The following ADCY2 variants were observed in gnomAD, a reference collection of about 807,000 sequenced individuals.
The protein encoded by ADCY2 is adenylate cyclase type 2.
Under a neutral mutation model 125.2 loss-of-function variants are expected in ADCY2, and 31 were observed. The observed-to-expected ratio is 0.25, with a 90% CI of 0.19 to 0.33. The LOEUF is 0.33. Among genes scored for constraint, ADCY2 ranks in the 10% least tolerant of loss-of-function variants. The pLI is 1.00. For synonymous variants in ADCY2, 512 were observed against 548.4 expected (o/e 0.93, Z 0.93); for missense variants, 904 against 1,418.2 (o/e 0.64, Z 5.82).
intron 3 of ADCY2, among the ~76,000 whole-genome samples, chr5:7,589,506 G>GAAAGAAAGAAAGAAAGAAAAGAAAAGA (rs530283052): frequency 1.5e-4 from 14 of 93,898 alleles, no homozygotes; most frequent in East Asian, 1.3e-3. Context: ...AAGAAAGAAA[G>GAAAGAAAGAAAGAAAGAAAAGAAAAGA]AAAGAAAAGA....
chr5:7,805,273 A>T (rs1744722924), intron 22 of ADCY2, among the ~76,000 whole-genome samples: 1 of 152,082 alleles, frequency 6.6e-6, no homozygotes, highest in South Asian at 2.1e-4. Context: ...GTGAACTGAG[A>T]TCGCACCACT....
chr5:7,737,809 C>T (rs1321334335), intron 14 of ADCY2, among the ~76,000 whole-genome samples: 1 of 152,154 alleles, frequency 6.6e-6, no homozygotes, highest in Non-Finnish European at 1.5e-5. Context: ...CAAAAAAAGA[C>T]ATTACATACA....
At chr5:7,694,342 G>A (rs545099492) in intron 5 of ADCY2, among the ~76,000 whole-genome samples, 3 of 152,210 alleles carry the variant, frequency 2.0e-5, no homozygotes, top group South Asian at 4.1e-4. Context: ...TTGGATCACG[G>A]ACACTTACAT....
intron 3 of ADCY2, among the ~76,000 whole-genome samples, chr5:7,568,643 G>A (rs771534399): frequency 2.6e-5 from 4 of 152,164 alleles, no homozygotes; most frequent in Non-Finnish European, 5.9e-5. Context: ...TGCTGCTGCT[G>A]CTACCAGAAC....
chr5:7,658,443 A>G (rs770721958), intron 4 of ADCY2, among the ~76,000 whole-genome samples: 393 of 101,384 alleles, frequency 3.9e-3, no homozygotes, highest in Non-Finnish European at 6.7e-3. Context: ...ATATATATAT[A>G]TATTTGAGAT....
intron 3 of ADCY2, among the ~76,000 whole-genome samples, chr5:7,615,086 G>C (rs1249483097): frequency 6.6e-6 from 1 of 152,148 alleles, no homozygotes; most frequent in Non-Finnish European, 1.5e-5. Flanking sequence ...AGAGAGAATG[G>C]GGAGGTGCTA....
At chr5:7,535,994 A>G (rs976135120) in intron 3 of ADCY2, among the ~76,000 whole-genome samples, 2 of 152,232 alleles carry the variant, frequency 1.3e-5, no homozygotes, top group Non-Finnish European at 2.9e-5. Flanking sequence ...TTTCAAAAAT[A>G]CTATAGGAGA....
At chr5:7,566,127 G>A (rs979373934) in intron 3 of ADCY2, among the ~76,000 whole-genome samples, 2 of 152,136 alleles carry the variant, frequency 1.3e-5, no homozygotes, top group African/African-American at 4.8e-5. Context: ...GCACCAAGAT[G>A]GGTCAGCACA....
At chr5:7,739,144 A>G (rs1365948397) in intron 14 of ADCY2, among the ~76,000 whole-genome samples, 2 of 151,922 alleles carry the variant, frequency 1.3e-5, no homozygotes, top group African/African-American at 4.8e-5. Context: ...CTACAAAGAT[A>G]TTACTTATAC....
chr5:7,544,375 C>T (rs922138656), intron 3 of ADCY2, among the ~76,000 whole-genome samples: 2 of 152,202 alleles, frequency 1.3e-5, no homozygotes, highest in African/African-American at 4.8e-5. Flanking sequence ...CTTCTGGAGA[C>T]TTTATGAGAG....
intron 3 of ADCY2, among the ~76,000 whole-genome samples, chr5:7,548,379 G>A (rs1018961011): frequency 6.6e-6 from 1 of 151,976 alleles, no homozygotes; most frequent in South Asian, 2.1e-4. Flanking sequence ...AGGAGTGTGT[G>A]TATGTACAGG....
chr5:7,480,015 C>T (rs1406851590), intron 2 of ADCY2, among the ~76,000 whole-genome samples: 1 of 152,030 alleles, frequency 6.6e-6, no homozygotes, highest in African/African-American at 2.4e-5. Flanking sequence ...TGAAAAAAAG[C>T]TCAACATCAC....
In ADCY2 at chr5:7,802,705, T is replaced by C. The variant is rs1210380803; in HGVS notation, c.2775+341T>C. ...TAGATAAAAAGATAATGAATTATAA[T>C]AGACTATTGGTGTGTCTGTGCCTAC... On this transcript the variant is annotated intron_variant, in intron 21 of 24. Transcript: ENST00000338316. The surrounding 1 kb of genome is among the most constrained non-coding windows in gnomAD (Gnocchi z 4.6). Among the ~76,000 whole-genome samples the C allele has an allele frequency of 1.3e-5, 2 of 152,224 alleles. No homozygotes were observed. The highest frequency in any genetic ancestry group is 4.8e-5 in the African/African-American group (2 of 41,460).
At chr5:7,691,037 G>A in intron 5 of ADCY2, 198 bp downstream of exon 5, 1 of 506,252 alleles carries the variant, frequency 2.0e-6, no homozygotes, top group African/African-American at 2.0e-5. Flanking sequence ...TGAGAAAATA[G>A]GATGCTGTTT....
At chr5:7,824,596 T>A (rs1386198905) in intron 24 of ADCY2, among the ~76,000 whole-genome samples, 2 of 152,152 alleles carry the variant, frequency 1.3e-5, no homozygotes, top group African/African-American at 4.8e-5. Context: ...GCTCCTGCCC[T>A]CCTCCCAGGA....
chr5:7,416,767 G>A (rs970707362), intron 2 of ADCY2, among the ~76,000 whole-genome samples: 1 of 152,132 alleles, frequency 6.6e-6, no homozygotes, highest in African/African-American at 2.4e-5. Flanking sequence ...ATCCTGTTGC[G>A]TGCATACTGG....
At chr5:7,506,687 C>G (rs1743826584) in intron 2 of ADCY2, among the ~76,000 whole-genome samples, 1 of 151,242 alleles carries the variant, frequency 6.6e-6, no homozygotes, top group Non-Finnish European at 1.5e-5. Flanking sequence ...AGAATAAATC[C>G]TTGATTTAAT....
chr5:7,524,242 A>G (rs1734367715), intron 3 of ADCY2, among the ~76,000 whole-genome samples: 1 of 152,236 alleles, frequency 6.6e-6, no homozygotes, highest in Non-Finnish European at 1.5e-5. Flanking sequence ...TTTTGAAACA[A>G]TAACAGACTT....
chr5:7,430,414 A>G (rs1258841713), intron 2 of ADCY2, among the ~76,000 whole-genome samples: 1 of 151,788 alleles, frequency 6.6e-6, no homozygotes, highest in Non-Finnish European at 1.5e-5. Context: ...ACAGACCAGT[A>G]TCTTTCAGGA....
Sources: gnomAD v4.1 joint callset for allele counts (sites outside exome capture counted in the v4.1 genomes callset) on GRCh38, gnomAD v4.1.1 for gene constraint, Gnocchi (gnomAD v3.1) non-coding constraint, MANE v1.5 for transcripts, NCBI Gene and HGNC (gene_info 2026-07-23, HGNC 2026-07-21) for gene names.